ACTA2: variants seen among roughly 807,000 people sequenced by gnomAD.
ACTA2 encodes the protein actin alpha 2, smooth muscle.
ACTA2 carries 12 observed loss-of-function variants against 39.5 expected under a neutral mutation model. The ratio of observed to expected loss-of-function variants is 0.30; its 90% CI spans 0.19 to 0.49. ACTA2 has a LOEUF of 0.49. Ranked by LOEUF, ACTA2 falls within the 20% of genes least tolerant of loss-of-function variation. ACTA2 has a pLI of 0.99. For missense variants in ACTA2, 236 were observed against 498.8 expected (o/e 0.47, Z 5.02); for synonymous variants, 158 against 180.6 (o/e 0.88, Z 1.00).
chr10:88,960,169 C>T (rs981899986), intron 1 of ACTA2, among the ~76,000 whole-genome samples: 19 of 152,136 alleles, frequency 1.2e-4, no homozygotes, highest in Non-Finnish European at 2.6e-4. Context: ...ACTTCACCCC[C>T]TTGAGGACAG....
intron 6 of ACTA2, 57 bp from the exon 7 acceptor site, chr10:88,939,755 A>G: frequency 6.4e-7 from 1 of 1,568,988 alleles, no homozygotes; most frequent in Non-Finnish European, 8.8e-7. Flanking sequence ...GGTGGCAAAG[A>G]TTCACCTGCC....
intron 1 of ACTA2, among the ~76,000 whole-genome samples, chr10:88,959,643 G>GT (rs761537868): frequency 2.6e-5 from 4 of 152,162 alleles, no homozygotes; most frequent in South Asian, 4.2e-4. Context: ...ACATTACTGT[G>GT]GTACATTTTC....
chr10:88,964,503 G>T (rs1161367296), intron 1 of ACTA2, among the ~76,000 whole-genome samples: 2 of 152,166 alleles, frequency 1.3e-5, no homozygotes, highest in African/African-American at 2.4e-5. Flanking sequence ...CTGTTATGTA[G>T]ATTTCCCTGT....
At chr10:88,947,585 C>T (rs922505361) in intron 2 of ACTA2, among the ~76,000 whole-genome samples, 199 bp from the exon 3 acceptor site, 1 of 152,174 alleles carries the variant, frequency 6.6e-6, no homozygotes, top group Non-Finnish European at 1.5e-5. Flanking sequence ...GAATTGCCTC[C>T]AAATAACAGG....
At chr10:88,949,407 AT>A (rs1182203055) in intron 1 of ACTA2, among the ~76,000 whole-genome samples, 1 of 152,094 alleles carries the variant, frequency 6.6e-6, no homozygotes, top group African/African-American at 2.4e-5. Flanking sequence ...CCTTTTTGAA[AT>A]TTTTTCAAAA....
intron 1 of ACTA2, among the ~76,000 whole-genome samples, chr10:88,949,495 T>C (rs764458260): frequency 5.9e-5 from 9 of 152,216 alleles, no homozygotes; most frequent in Non-Finnish European, 1.2e-4. Flanking sequence ...TGGAAAAATC[T>C]TTTTGAATCA....
upstream of ACTA2, among the ~76,000 whole-genome samples, chr10:88,955,885 C>T (rs954129256): frequency 6.6e-6 from 1 of 152,300 alleles, no homozygotes; most frequent in South Asian, 2.1e-4. Context: ...TTTACTACCA[C>T]TGTATCCCCT....
chr10:88,986,739 T>A (rs76390772), intron 1 of ACTA2, among the ~76,000 whole-genome samples: 1 of 151,438 alleles, frequency 6.6e-6, no homozygotes, highest in East Asian at 1.9e-4. Context: ...AGGAAGGAAG[T>A]AGTGCAGGAA....
intron 1 of ACTA2, among the ~76,000 whole-genome samples, chr10:88,985,335 A>G (rs1846844691): frequency 6.6e-6 from 1 of 152,200 alleles, no homozygotes; most frequent in African/African-American, 2.4e-5. Flanking sequence ...AAATGTCTAT[A>G]TGCTCATATG....
upstream of ACTA2, among the ~76,000 whole-genome samples, chr10:88,956,999 C>T (rs77155129): frequency 6.6e-6 from 1 of 152,126 alleles, no homozygotes; most frequent in Non-Finnish European, 1.5e-5. Context: ...TTAAACACCT[C>T]CCATTAGGCC....
At chr10:88,943,042 A>C (rs1845884406) in intron 4 of ACTA2, among the ~76,000 whole-genome samples, 1 of 152,380 alleles carries the variant, frequency 6.6e-6, no homozygotes, top group Middle Eastern at 3.4e-3. Flanking sequence ...TATGTAGTCA[A>C]TATAATCATA....
chr10:88,940,965 T>C (rs997421789), intron 6 of ACTA2: 28 of 422,418 alleles, frequency 6.6e-5, no homozygotes, highest in African/African-American at 5.3e-4. Flanking sequence ...TATTTGCTAA[T>C]GGAGGGGATT....
At chr10:88,977,029 T>G (rs1452628803) in intron 1 of ACTA2, among the ~76,000 whole-genome samples, 1 of 152,238 alleles carries the variant, frequency 6.6e-6, no homozygotes, top group African/African-American at 2.4e-5. Context: ...GCTTATTTTC[T>G]GCTATTTTGA....
At chr10:88,966,808 C>G (rs535093606) in intron 1 of ACTA2, among the ~76,000 whole-genome samples, 1 of 152,310 alleles carries the variant, frequency 6.6e-6, no homozygotes, top group East Asian at 1.9e-4. Flanking sequence ...AAGTGCCAAT[C>G]AGATTATCAG....
At chr10:88,984,487 C>G (rs1438112860) in intron 1 of ACTA2, among the ~76,000 whole-genome samples, 1 of 152,166 alleles carries the variant, frequency 6.6e-6, no homozygotes, top group African/African-American at 2.4e-5. Context: ...GACACTAGCA[C>G]CAAATGTGAT....
chr10:88,987,982 T>G (rs1363552123), intron 1 of ACTA2, among the ~76,000 whole-genome samples: 1 of 151,152 alleles, frequency 6.6e-6, no homozygotes. Flanking sequence ...ACTGAGTGAG[T>G]GAGAATTATG....
In ACTA2 at chr10:88,981,928, A is replaced by G. The variant is rs541611134; in HGVS notation, c.-24+9011T>C. Among the ~76,000 whole-genome samples, 3 of 152,358 alleles carry G rather than the reference A, an allele frequency of 2.0e-5. No individual in the cohort carries two copies. In the East Asian group the frequency reaches 5.8e-4, roughly 29 times the overall value. On this transcript the variant is annotated intron_variant, in intron 1 of 4. Coordinates refer to the ACTA2 transcript ENST00000415557. ...AAATCTTGATACCTTTACTTGACACATGAACTTGATCGAGTTACCTCTATG... is the reference window on the plus strand; with the variant it reads ...AAATCTTGATACCTTTACTTGACACGTGAACTTGATCGAGTTACCTCTATG...
chr10:88,970,708 G>A (rs774730259), intron 1 of ACTA2, among the ~76,000 whole-genome samples: 6 of 152,208 alleles, frequency 3.9e-5, no homozygotes, highest in Non-Finnish European at 5.9e-5. Context: ...ATCACACACC[G>A]GGGCCTGTTG....
chr10:88,987,390 TGGGTGGTCCA>T (rs2133367670), intron 1 of ACTA2, among the ~76,000 whole-genome samples: 1 of 152,338 alleles, frequency 6.6e-6, no homozygotes, highest in South Asian at 2.1e-4. Flanking sequence ...TGGGTAACTT[TGGGTGGTCCA>T]GGGTTCAATT....
Sources: allele counts gnomAD v4.1 joint callset (sites outside exome capture counted in the v4.1 genomes callset), GRCh38; gene constraint gnomAD v4.1.1; transcripts MANE v1.5; gene names NCBI Gene and HGNC (gene_info 2026-07-23, HGNC 2026-07-21).